Variants in DNAJC10 observed in about 807,000 individuals in gnomAD.
DNAJC10 encodes DnaJ heat shock protein family (Hsp40) member C10, also known as endoplasmic reticulum disulfide reductase DNAJC10.
Under a neutral mutation model 115.0 loss-of-function variants are expected in DNAJC10, and 101 were observed. The ratio of observed to expected loss-of-function variants is 0.88; its 90% confidence interval spans 0.75 to 1.04. DNAJC10 has a LOEUF of 1.04. Ranked by LOEUF, DNAJC10 falls within the 50% of genes least tolerant of loss-of-function variation. The pLI, the probability that DNAJC10 is intolerant of heterozygous loss-of-function variation, is 0.00. For synonymous variants in DNAJC10, 307 were observed against 301.5 expected (o/e 1.02, Z -0.19); for missense variants, 981 against 928.8 (o/e 1.06, Z -0.73).
intron 4 of DNAJC10, among the ~76,000 whole-genome samples, chr2:182,721,190 T>A (rs1693141854): frequency 6.6e-6 from 1 of 152,096 alleles, no homozygotes; most frequent in Admixed American, 6.6e-5. Context: ...AAATGAAGTA[T>A]TTTAAATTTA....
intron 14 of DNAJC10, among the ~76,000 whole-genome samples, chr2:182,747,388 G>T (rs1693895849): frequency 6.6e-6 from 1 of 151,670 alleles, no homozygotes; most frequent in African/African-American, 2.4e-5. Context: ...CCATTTGTTT[G>T]TATCCTCTTT....
Position 182,775,354 on chromosome 2 carries a change from A to G in DNAJC10, c.2304A>G (p.Ala768=), listed in dbSNP as rs550580163. The G allele has an allele frequency of 1.0e-4, 163 of 1,613,132 alleles. No individual in the cohort carries two copies. The Admixed American group carries it at 2.7e-3, about 26-fold the overall frequency. Residue 768 remains alanine, a synonymous_variant, in exon 23 of 24, where the codon GCA becomes GCG. Coordinates refer to ENST00000264065, the MANE Select transcript of DNAJC10 (RefSeq NM_018981.4). ...FQEEQINTRD[A]KAIAALISEK... ...AAGAGCAGATAAATACCAGAGATGC[A>G]AAAGCAATCGCTGCCTTAATAAGTG...
chr2:182,756,206 C>T, intron 17 of DNAJC10, 108 bp from the exon 18 acceptor site: 1 of 941,432 alleles, frequency 1.1e-6, no homozygotes. Flanking sequence ...CTCAATACTT[C>T]CAAGTATTTT....
chr2:182,725,261 TACA>T (rs971147494), intron 5 of DNAJC10, among the ~76,000 whole-genome samples: 21 of 152,152 alleles, frequency 1.4e-4, no homozygotes, highest in African/African-American at 4.8e-4. Flanking sequence ...CTCCCTGAGA[TACA>T]ACATTACTGA....
At chr2:182,762,551 G>A (rs1350608629) in intron 21 of DNAJC10, 131 bp from the exon 22 acceptor site, 17 of 939,660 alleles carry the variant, frequency 1.8e-5, no homozygotes, top group Non-Finnish European at 2.5e-5. Flanking sequence ...AAATAATCTT[G>A]TTTGAGTAGG....
chr2:182,721,936 T>G, intron 4 of DNAJC10, 89 bp from the exon 5 acceptor site: 1 of 727,924 alleles, frequency 1.4e-6, no homozygotes, highest in Non-Finnish European at 2.2e-6. Flanking sequence ...TTTGATTTTT[T>G]TGATGATTAA....
Position 182,758,856 on chromosome 2 carries a change from A to G in DNAJC10, c.1963A>G (p.Arg655Gly). Residue 655 changes from arginine (R) to glycine (G), a missense_variant, in exon 20 of 24, where the codon AGG becomes GGG. Arg to Gly is a moderately radical substitution (Grantham distance 125). Coordinates refer to ENST00000264065, the MANE Select transcript of DNAJC10 (RefSeq NM_018981.4). ...TCTCAGCAGTTACAATGGTTGGAAT[A>G]GGGATGCTTATTCCCTGAGAATCTG... ...YHYHSYNGWN[R>G]DAYSLRIWGL... 1 of 1,607,836 alleles carries G rather than the reference A, an allele frequency of 6.2e-7. No individual in the cohort carries two copies. The highest frequency in any genetic ancestry group is 8.5e-7 in the Non-Finnish European group (1 of 1,174,528).
intron 22 of DNAJC10, among the ~76,000 whole-genome samples, chr2:182,765,065 A>G (rs1209509476): frequency 6.6e-6 from 1 of 152,162 alleles, no homozygotes; most frequent in East Asian, 1.9e-4. Flanking sequence ...CTCAGACAGC[A>G]TATAGGAAGA....
At chr2:182,720,230 C>T in intron 4 of DNAJC10, 61 bp downstream of exon 4, 1 of 1,345,784 alleles carries the variant, frequency 7.4e-7, no homozygotes, top group Admixed American at 2.1e-5. Flanking sequence ...AAAGTGAATT[C>T]TGTTTCACCA....
At chr2:182,764,016 A>G (rs977064898) in intron 22 of DNAJC10, among the ~76,000 whole-genome samples, 4 of 152,156 alleles carry the variant, frequency 2.6e-5, no homozygotes, top group Non-Finnish European at 5.9e-5. Flanking sequence ...CTATTCTTCA[A>G]GTTGTTCAAT....
At chr2:182,745,700 T>A (rs981983358) in intron 14 of DNAJC10, among the ~76,000 whole-genome samples, 1 of 152,054 alleles carries the variant, frequency 6.6e-6, no homozygotes, top group Non-Finnish European at 1.5e-5. Flanking sequence ...TTATTTTTTT[T>A]TTTTATGGAC....
intron 22 of DNAJC10, among the ~76,000 whole-genome samples, chr2:182,773,708 T>G (rs1385136301): frequency 1.3e-5 from 2 of 152,192 alleles, no homozygotes; most frequent in Non-Finnish European, 2.9e-5. Context: ...TCTACACTGT[T>G]TATTCTAGTT....
chr2:182,723,037 CT>C (rs372893280), intron 5 of DNAJC10, among the ~76,000 whole-genome samples: 230 of 105,782 alleles, frequency 2.2e-3, no homozygotes, highest in Middle Eastern at 6.3e-3. Context: ...GCAAGGGTGG[CT>C]TTTTTTTTTT....
intron 22 of DNAJC10, among the ~76,000 whole-genome samples, chr2:182,765,204 AAC>A (rs1457192943): frequency 6.6e-6 from 1 of 152,146 alleles, no homozygotes; most frequent in Non-Finnish European, 1.5e-5. Flanking sequence ...GAATGAGAGT[AAC>A]ACACTTATCA....
At chr2:182,728,445 G>GA (rs1693347224) in intron 5 of DNAJC10, 131 bp from the exon 6 acceptor site, 4 of 574,976 alleles carry the variant, frequency 7.0e-6, no homozygotes. Context: ...ACATCACACA[G>GA]AAAATGAGAA....
rs1694879014 is a variant in DNAJC10, at chr2:182,782,829, G to C, written c.*5697G>C. 2 of 152,096 alleles carry C rather than the reference G, an allele frequency of 1.3e-5. No homozygotes were observed. The highest frequency in any genetic ancestry group is 2.4e-5 in the African/African-American group (1 of 41,416). 9.4% of individuals were successfully genotyped at this position (152,096 alleles called of 1,614,324 possible). On this transcript the variant is annotated 3_prime_UTR_variant, in exon 24 of 24. Transcript: ENST00000264065. The stretch of plus-strand genomic sequence containing the variant: ...AAGGAGTTTTTGGGCTGAGATGATG[G>C]GGTTTTCTAAATATACAATTATGTC...
intron 12 of DNAJC10, 118 bp from the exon 13 acceptor site, chr2:182,741,125 G>T: frequency 1.5e-6 from 1 of 648,762 alleles, no homozygotes. Context: ...CCGAATTTTA[G>T]ACAGTATTTT....
At chr2:182,721,623 G>A (rs1693151744) in intron 4 of DNAJC10, among the ~76,000 whole-genome samples, 1 of 151,978 alleles carries the variant, frequency 6.6e-6, no homozygotes, top group Admixed American at 6.6e-5. Context: ...TCAATTTCCT[G>A]GTTTTCGATA....
At chr2:182,719,632 C>G (rs1693093745) in intron 3 of DNAJC10, among the ~76,000 whole-genome samples, 1 of 151,996 alleles carries the variant, frequency 6.6e-6, no homozygotes, top group South Asian at 2.1e-4. Flanking sequence ...GAAAAATAAC[C>G]TACAAATGTA....
Sources: gnomAD v4.1 joint callset for allele counts (sites outside exome capture counted in the v4.1 genomes callset) on GRCh38, gnomAD v4.1.1 for gene constraint, MANE v1.5 for transcripts, NCBI Gene and HGNC (gene_info 2026-07-23, HGNC 2026-07-21) for gene names.